Variants in SPOCK3 observed in about 807,000 individuals in gnomAD.
The protein encoded by SPOCK3 is SPARC (osteonectin), cwcv and kazal like domains proteoglycan 3.
A neutral mutation model predicts 56.6 loss-of-function variants in SPOCK3; 30 were observed. That is an observed-to-expected ratio of 0.53 (90% CI 0.40 to 0.72). The LOEUF (loss-of-function observed/expected upper bound fraction) is 0.72. Ranked by LOEUF, SPOCK3 falls within the 30% of genes least tolerant of loss-of-function variation. The pLI is 0.00. For missense variants in SPOCK3, 527 were observed against 530.0 expected (o/e 0.99, Z 0.06); for synonymous variants, 196 against 183.3 (o/e 1.07, Z -0.56).
chr4:166,806,444 T>C (rs1485735185), intron 6 of SPOCK3, among the ~76,000 whole-genome samples: 2 of 152,094 alleles, frequency 1.3e-5, no homozygotes, highest in Non-Finnish European at 2.9e-5. Context: ...ATGCTTCTAT[T>C]TTGCATGTTA....
chr4:166,819,662 A>T (rs780937864), intron 6 of SPOCK3, among the ~76,000 whole-genome samples: 1 of 152,018 alleles, frequency 6.6e-6, no homozygotes, highest in African/African-American at 2.4e-5. Context: ...TAAATTTAAC[A>T]TGTACACACT....
intron 4 of SPOCK3, among the ~76,000 whole-genome samples, chr4:166,967,654 C>A (rs1303247023): frequency 6.6e-6 from 1 of 152,208 alleles, no homozygotes; most frequent in African/African-American, 2.4e-5. Context: ...TGTAAGCCAA[C>A]TAAACCTCCT....
At chr4:166,959,063 G>C (rs1196988600) in intron 4 of SPOCK3, among the ~76,000 whole-genome samples, 1 of 152,140 alleles carries the variant, frequency 6.6e-6, no homozygotes, top group Non-Finnish European at 1.5e-5. Context: ...GCATCCAATT[G>C]ATGCTATAAG....
At chr4:166,900,512 G>GCTATATATACC (rs1269577069) in intron 5 of SPOCK3, among the ~76,000 whole-genome samples, 1 of 152,120 alleles carries the variant, frequency 6.6e-6, no homozygotes, top group African/African-American at 2.4e-5. Flanking sequence ...ATGCAAGGAG[G>GCTATATATACC]CTATATATAC....
At chr4:166,990,098 C>T (rs1747609750) in intron 4 of SPOCK3, among the ~76,000 whole-genome samples, 1 of 152,172 alleles carries the variant, frequency 6.6e-6, no homozygotes, top group Admixed American at 6.6e-5. Flanking sequence ...GTGGGAAGAG[C>T]TGCAGGAAAC....
intron 6 of SPOCK3, among the ~76,000 whole-genome samples, chr4:166,805,288 T>C (rs1302279037): frequency 6.6e-6 from 1 of 152,090 alleles, no homozygotes; most frequent in East Asian, 1.9e-4. Flanking sequence ...TAAAAGAAAC[T>C]TTCCTTGAGA....
At chr4:167,007,403 T>C (rs1178054991) in intron 3 of SPOCK3, among the ~76,000 whole-genome samples, 5 of 152,218 alleles carry the variant, frequency 3.3e-5, no homozygotes, top group Admixed American at 2.6e-4. Context: ...GTTGGTATAC[T>C]ATATTTATTT....
chr4:167,206,231 G>A (rs568882315), intron 2 of SPOCK3, among the ~76,000 whole-genome samples: 38 of 152,138 alleles, frequency 2.5e-4, no homozygotes, highest in African/African-American at 8.9e-4. Context: ...GGCTGAGGTA[G>A]GAGAATCACT....
At chr4:166,795,860 T>A (rs1027928346) in intron 6 of SPOCK3, among the ~76,000 whole-genome samples, 1 of 152,162 alleles carries the variant, frequency 6.6e-6, no homozygotes, top group South Asian at 2.1e-4. Context: ...CCACACACTG[T>A]ACTAACTGAA....
intron 7 of SPOCK3, among the ~76,000 whole-genome samples, chr4:166,780,017 A>C (rs1159117594): frequency 2.0e-5 from 3 of 152,208 alleles, no homozygotes; most frequent in Non-Finnish European, 4.4e-5. Flanking sequence ...AATATTACTT[A>C]GGATTAAAGG....
intron 3 of SPOCK3, among the ~76,000 whole-genome samples, chr4:167,049,235 T>C (rs1379005068): frequency 1.3e-5 from 2 of 152,118 alleles, no homozygotes; most frequent in East Asian, 3.9e-4. Context: ...TGTCTTTGAG[T>C]TATTTCCCTA....
intron 2 of SPOCK3, among the ~76,000 whole-genome samples, chr4:167,204,128 T>C (rs1182016027): frequency 6.6e-6 from 1 of 152,026 alleles, no homozygotes; most frequent in Non-Finnish European, 1.5e-5. Flanking sequence ...TACAACTTCC[T>C]AGGTTGAGCC....
At chr4:167,064,943 T>C (rs1391484942) in intron 2 of SPOCK3, among the ~76,000 whole-genome samples, 1 of 148,408 alleles carries the variant, frequency 6.7e-6, no homozygotes, top group African/African-American at 2.5e-5. Flanking sequence ...ACGGACAAGC[T>C]GTCATTACTG....
chr4:167,125,188 A>ATTTT lies in SPOCK3; in HGVS notation c.190-62655_190-62652dup, dbSNP rs963530686. On this transcript the variant is annotated intron_variant, in intron 2 of 10. Coordinates refer to ENST00000357545, the MANE Select transcript of SPOCK3 (RefSeq NM_001040159.2). ...GAAGGTTCTTTGTATGAGCACAGAG[A>ATTTT]TTTTTTATTTATTTATTTATTTATT... 2.3e-5 allele frequency among the ~76,000 whole-genome samples: 3 copies of ATTTT among 132,478 alleles called. No individual in the cohort carries two copies. The South Asian group carries it at 7.0e-4, about 31-fold the overall frequency. The allele number at this position is 132,478 out of a possible 152,430, so 86.9% of individuals were successfully genotyped here.
intron 6 of SPOCK3, among the ~76,000 whole-genome samples, chr4:166,866,055 A>G (rs1731799882): frequency 6.6e-6 from 1 of 152,158 alleles, no homozygotes; most frequent in Non-Finnish European, 1.5e-5. Context: ...GGTAACCAAA[A>G]CAGCATGGTA....
At chr4:166,881,534 A>C (rs1261061117) in intron 6 of SPOCK3, among the ~76,000 whole-genome samples, 3 of 152,044 alleles carry the variant, frequency 2.0e-5, no homozygotes, top group Non-Finnish European at 4.4e-5. Flanking sequence ...CGCTCCACAA[A>C]ACATAGATAA....
At chr4:166,941,291 G>A (rs540885207) in intron 4 of SPOCK3, among the ~76,000 whole-genome samples, 71 of 152,246 alleles carry the variant, frequency 4.7e-4, no homozygotes, top group African/African-American at 6.0e-4. Flanking sequence ...ATCCTTTTCC[G>A]TCATGATTTT....
intron 4 of SPOCK3, among the ~76,000 whole-genome samples, chr4:166,949,400 G>C (rs1471690785): frequency 2.6e-5 from 4 of 152,174 alleles, no homozygotes; most frequent in Non-Finnish European, 4.4e-5. Context: ...CGTTCCTTTG[G>C]AGGAGGAGAG....
intron 2 of SPOCK3, among the ~76,000 whole-genome samples, chr4:167,203,739 G>A (rs1580608291): frequency 6.6e-6 from 1 of 151,896 alleles, no homozygotes; most frequent in South Asian, 2.1e-4. Flanking sequence ...AAAGAGTGTA[G>A]CCCTTGAAAA....
Sources: gnomAD v4.1 joint callset for allele counts (sites outside exome capture counted in the v4.1 genomes callset) on GRCh38, gnomAD v4.1.1 for gene constraint, MANE v1.5 for transcripts, NCBI Gene and HGNC (gene_info 2026-07-23, HGNC 2026-07-21) for gene names.